Variants in CHM observed in about 807,000 individuals in gnomAD.
CHM encodes rab proteins geranylgeranyltransferase component A 1.
In CHM, 10 loss-of-function variants were observed where a neutral mutation model predicts 49.0. That is an observed-to-expected ratio of 0.20 (90% CI 0.13 to 0.35). The LOEUF (loss-of-function observed/expected upper bound fraction) is 0.35, where lower values mean the gene tolerates loss of function less well. Among genes scored for constraint, CHM ranks in the 10% least tolerant of loss-of-function variants. CHM has a pLI of 1.00. For synonymous variants in CHM, 184 were observed against 167.5 expected, an observed-to-expected ratio of 1.10 and a Z score of -0.76; for missense variants, 455 against 478.4, an observed-to-expected ratio of 0.95 and a Z score of 0.46.
rs148229127 is a variant in CHM at position 85,904,407 on chromosome X, T to C, written c.1245-3219A>G. Among the ~76,000 whole-genome samples, 430 of 111,464 alleles carry C rather than the reference T, an allele frequency of 3.9e-3. 3 individuals carry two copies. Among genetic ancestry groups the C allele is most frequent in the African/African-American group, 0.014 (417 of 30,689 alleles). The stretch of plus-strand genomic sequence containing the variant: ...TTATTGGTTCAACGATATAAGTGTG[T>C]AGATAGCAAAATGATGATGAGGAAG... On this transcript the variant is annotated intron_variant, in intron 9 of 14. Transcript: ENST00000357749.
At chrX:85,893,457 G>A (rs1925611900) in intron 12 of CHM, among the ~76,000 whole-genome samples, 3 of 111,754 alleles carry the variant, frequency 2.7e-5, no homozygotes, top group Non-Finnish European at 3.8e-5. Context: ...TTAGAATTTA[G>A]AATTCAAGGT....
chrX:85,988,917 A>G (rs1282585464), intron 2 of CHM, among the ~76,000 whole-genome samples: 1 of 112,179 alleles, frequency 8.9e-6, no homozygotes, highest in African/African-American at 3.2e-5. Context: ...TAAAATGGCC[A>G]TACTGCCCAA....
At chrX:85,995,260 TAAAAAA>T (rs55742394) in intron 2 of CHM, among the ~76,000 whole-genome samples, 6 of 46,808 alleles carry the variant, frequency 1.3e-4, no homozygotes, top group South Asian at 2.5e-3. Context: ...CCTTATTACT[TAAAAAA>T]AAAAAAAAAA....
At chrX:85,906,027 C>A (rs1309896091) in intron 9 of CHM, among the ~76,000 whole-genome samples, 1 of 111,777 alleles carries the variant, frequency 8.9e-6, no homozygotes, top group African/African-American at 3.2e-5. Flanking sequence ...AGAACAAAGA[C>A]CCTGATTGTC....
intron 2 of CHM, among the ~76,000 whole-genome samples, chrX:86,021,126 GTATATATATATATATATATATA>G (rs3078128): frequency 1.4e-4 from 8 of 55,976 alleles, no homozygotes; most frequent in African/African-American, 6.2e-4. Flanking sequence ...GTGTATATAC[GTATATATATATATATATATATA>G]TATATATATA....
intron 14 of CHM, among the ~76,000 whole-genome samples, chrX:85,870,300 C>T (rs1923969734): frequency 8.9e-6 from 1 of 112,077 alleles, no homozygotes; most frequent in Non-Finnish European, 1.9e-5. Context: ...AATATGACAT[C>T]TAAAATTGCT....
intron 8 of CHM, among the ~76,000 whole-genome samples, chrX:85,950,755 T>C (rs971391236): frequency 2.7e-5 from 3 of 111,958 alleles, no homozygotes; most frequent in African/African-American, 9.7e-5. Flanking sequence ...GGTTGAATAA[T>C]GTTAATTTCA....
intron 8 of CHM, among the ~76,000 whole-genome samples, chrX:85,931,209 C>A (rs1381909656): frequency 9.0e-6 from 1 of 110,910 alleles, no homozygotes. Flanking sequence ...CATAGGCATG[C>A]ATTATTTTCA....
chrX:85,950,206 GCACACA>G (rs56073420), intron 8 of CHM, among the ~76,000 whole-genome samples: 1 of 98,862 alleles, frequency 1.0e-5, no homozygotes, highest in Non-Finnish European at 2.0e-5. Context: ...GAAAAGCATT[GCACACA>G]CACACACACA....
chrX:85,996,384 G>C (rs747703408), intron 2 of CHM, among the ~76,000 whole-genome samples: 132 of 112,032 alleles, frequency 1.2e-3, no homozygotes, highest in Middle Eastern at 4.6e-3. Flanking sequence ...GACGAATATA[G>C]ATGCAATTTC....
chrX:85,923,297 G>A (rs750552081), intron 8 of CHM, among the ~76,000 whole-genome samples: 2 of 112,510 alleles, frequency 1.8e-5, no homozygotes, highest in South Asian at 3.7e-4. Context: ...CATGGTAAAT[G>A]TTAAATACAT....
rs1474195306 is a variant in CHM at position 85,963,699 on chromosome X, T to C, written c.668A>G (p.Glu223Gly). ...NRITYSQIIK[E>G]GRRFNIDLVS... ...TAAATCAATATTAAATCTCCTGCCT[T>C]CTTTAATAATTTGTGAGTAAGTAAT... Residue 223 changes from glutamate (E) to glycine (G), a missense_variant, in exon 5 of 15, where the codon GAA becomes GGA. By Grantham distance (98) the Glu-to-Gly change is moderately conservative (BLOSUM62 -2). Transcript: ENST00000357749. The C allele has an allele frequency of 5.0e-6, 6 of 1,198,494 alleles. No individual in the cohort carries two copies. Among genetic ancestry groups the C allele is most frequent in the Non-Finnish European group, 6.8e-6 (6 of 883,866 alleles).
chrX:86,021,105 CGT>C (rs1383813431), intron 2 of CHM, among the ~76,000 whole-genome samples: 74 of 54,658 alleles, frequency 1.4e-3, no homozygotes, highest in Non-Finnish European at 1.8e-3. Flanking sequence ...CATATATATA[CGT>C]ATATATATGT....
intron 8 of CHM, among the ~76,000 whole-genome samples, chrX:85,923,112 C>G (rs954691235): frequency 4.5e-5 from 5 of 111,948 alleles, no homozygotes; most frequent in African/African-American, 1.6e-4. Flanking sequence ...TGTGGACATT[C>G]TAACTCTTGA....
At chrX:86,028,371 C>T (rs781082071) in intron 1 of CHM, among the ~76,000 whole-genome samples, 1 of 111,492 alleles carries the variant, frequency 9.0e-6, no homozygotes, top group African/African-American at 3.3e-5. Flanking sequence ...GATATAACTC[C>T]GAAGCCACAA....
intron 8 of CHM, among the ~76,000 whole-genome samples, chrX:85,929,265 G>A (rs1928276155): frequency 9.0e-6 from 1 of 111,418 alleles, no homozygotes; most frequent in Non-Finnish European, 1.9e-5. Context: ...TCTGACTAGA[G>A]AGCTCTTCCC....
intron 2 of CHM, among the ~76,000 whole-genome samples, chrX:86,016,584 G>A (rs1053591324): frequency 8.9e-6 from 1 of 112,722 alleles, no homozygotes; most frequent in African/African-American, 3.2e-5. Flanking sequence ...GAGCCTGCAA[G>A]TGTACAGAAG....
At chrX:85,993,733 C>T (rs887751174) in intron 2 of CHM, among the ~76,000 whole-genome samples, 1 of 111,951 alleles carries the variant, frequency 8.9e-6, no homozygotes, top group Non-Finnish European at 1.9e-5. Context: ...ACTGCACACT[C>T]AACATTGTTT....
intron 8 of CHM, among the ~76,000 whole-genome samples, chrX:85,914,871 A>G: frequency 9.0e-6 from 1 of 110,919 alleles, no homozygotes; most frequent in South Asian, 3.9e-4. Flanking sequence ...CTTGACCTCA[A>G]TAAACCAGAA....
Sources: gnomAD v4.1 joint callset for allele counts (sites outside exome capture counted in the v4.1 genomes callset) on GRCh38, gnomAD v4.1.1 for gene constraint, MANE v1.5 for transcripts, NCBI Gene and HGNC (gene_info 2026-07-23, HGNC 2026-07-21) for gene names.